Variants in PRMT8 observed in about 807,000 individuals in gnomAD.
PRMT8 encodes protein arginine N-methyltransferase 8.
Under a neutral mutation model 47.1 loss-of-function variants are expected in PRMT8, and 7 were observed. The ratio of observed to expected loss-of-function variants is 0.15; its 90% CI spans 0.08 to 0.28. The LOEUF is 0.28. Among genes scored for constraint, PRMT8 ranks in the 10% least tolerant of loss-of-function variants. The pLI is 1.00. For synonymous variants in PRMT8, 188 were observed against 186.5 expected, an observed-to-expected ratio of 1.01 and a Z score of -0.07; for missense variants, 237 against 505.4, an observed-to-expected ratio of 0.47 and a Z score of 5.09.
Position 3,431,299 on chromosome 12 carries a change from C to CAGAG in PRMT8, c.48+49871_48+49874dup, listed in dbSNP as rs34606620. 3.0e-3 allele frequency among the ~76,000 whole-genome samples: 453 copies of CAGAG among 150,640 alleles called. 6 individuals are homozygous for CAGAG. Among genetic ancestry groups the CAGAG allele is most frequent in the African/African-American group, 0.011 (434 of 41,160 alleles). On this transcript the variant is annotated intron_variant, in intron 1 of 9. Transcript: ENST00000452611. ...TGATCCAAAGCAGTGAGAGTGGGCA[C>CAGAG]AGAGAGAGAGAGAGAGATCAGTAGC... is the stretch of plus-strand genomic sequence containing the variant.
At chr12:3,556,674 A>T (rs34330476) in intron 4 of PRMT8, among the ~76,000 whole-genome samples, 35,277 of 149,252 alleles carry the variant, frequency 0.24, 4,823 homozygotes, top group African/African-American at 0.41. Context: ...AAGTTTTTTT[A>T]AAAAAAAAAT....
chr12:3,588,061 G>A (rs562121883), intron 8 of PRMT8, among the ~76,000 whole-genome samples: 13 of 152,322 alleles, frequency 8.5e-5, no homozygotes, highest in African/African-American at 3.1e-4. Context: ...GCAGGTGGAA[G>A]GGCAGGAGCC....
intron 1 of PRMT8, among the ~76,000 whole-genome samples, chr12:3,419,471 C>T (rs929495): frequency 0.95 from 144,130 of 152,246 alleles, 68,365 homozygotes; most frequent in Non-Finnish European, 0.98. Context: ...TCTACCTGGG[C>T]TGTCTCTCTT....
chr12:3,477,124 T>A (rs1326218945), intron 1 of PRMT8, among the ~76,000 whole-genome samples: 1 of 152,260 alleles, frequency 6.6e-6, no homozygotes. Flanking sequence ...ACTGACGCTC[T>A]TGAAACTGTG....
chr12:3,495,443 T>G (rs1057095100), intron 1 of PRMT8, among the ~76,000 whole-genome samples: 1 of 152,234 alleles, frequency 6.6e-6, no homozygotes, highest in Admixed American at 6.5e-5. Context: ...TGTGCCGGTC[T>G]TTCCTCCTTC....
chr12:3,534,489 G>A (rs189282695), intron 1 of PRMT8, among the ~76,000 whole-genome samples: 1 of 152,144 alleles, frequency 6.6e-6, no homozygotes, highest in Non-Finnish European at 1.5e-5. Context: ...TCTCTTGGAG[G>A]TTCCAGTTCC....
chr12:3,472,172 C>T (rs1042814491), intron 1 of PRMT8, among the ~76,000 whole-genome samples: 4 of 152,280 alleles, frequency 2.6e-5, no homozygotes, highest in South Asian at 2.1e-4. Flanking sequence ...AAAAGGTGAT[C>T]GGAAAGGTGT....
At chr12:3,509,132 T>C (rs1865673398) in intron 1 of PRMT8, among the ~76,000 whole-genome samples, 1 of 152,110 alleles carries the variant, frequency 6.6e-6, no homozygotes, top group Non-Finnish European at 1.5e-5. Context: ...TGATTATGCT[T>C]CTCCCTTCCT....
chr12:3,464,462 C>G (rs1048149601), intron 1 of PRMT8, among the ~76,000 whole-genome samples: 2 of 152,090 alleles, frequency 1.3e-5, no homozygotes, highest in East Asian at 1.9e-4. Context: ...AGACATTACT[C>G]GTTCTCTCCT....
At chr12:3,454,023 C>T (rs1196245740) in intron 1 of PRMT8, among the ~76,000 whole-genome samples, 1 of 152,174 alleles carries the variant, frequency 6.6e-6, no homozygotes, top group Admixed American at 6.5e-5. Flanking sequence ...AGGCCAGGCA[C>T]AGCAATGCGG....
At chr12:3,427,847 C>T (rs1335812697) in intron 1 of PRMT8, among the ~76,000 whole-genome samples, 4 of 151,500 alleles carry the variant, frequency 2.6e-5, no homozygotes, top group African/African-American at 4.8e-5. Context: ...TCCCTTTTTT[C>T]GAAGATAATC....
intron 1 of PRMT8, among the ~76,000 whole-genome samples, chr12:3,397,075 A>C (rs1302798104): frequency 1.3e-5 from 2 of 151,044 alleles, no homozygotes; most frequent in Non-Finnish European, 3.0e-5. Context: ...AGCTCCTTTA[A>C]GCACTTCTCT....
intron 1 of PRMT8, among the ~76,000 whole-genome samples, chr12:3,438,888 G>A (rs924165391): frequency 2.0e-5 from 3 of 152,156 alleles, no homozygotes; most frequent in Non-Finnish European, 1.5e-5. Context: ...AAAATTGATG[G>A]TCATTTCTTT....
chr12:3,573,574 G>T (rs1425599592), intron 6 of PRMT8, among the ~76,000 whole-genome samples: 1 of 152,182 alleles, frequency 6.6e-6, no homozygotes, highest in African/African-American at 2.4e-5. Flanking sequence ...TGAGTAAAAG[G>T]ACCAGTAGAG....
chr12:3,491,321 C>G lies in PRMT8; in HGVS notation c.-305C>G. 1 of 1,099,916 alleles carries G rather than the reference C, an allele frequency of 9.1e-7. No homozygotes were observed. Among genetic ancestry groups the G allele is most frequent in the Non-Finnish European group, 1.1e-6 (1 of 904,174 alleles). The allele number at this position is 1,099,916 out of a possible 1,614,324, so 68.1% of individuals were successfully genotyped here. On this transcript the variant is annotated 5_prime_UTR_variant, in exon 1 of 10. Transcript: ENST00000382622. ...GCCGCCGCCGCCGCCGCGGAGGCTT[C>G]GGGGCTGCTTCCCTCGAGCTTAGCC...
intron 1 of PRMT8, among the ~76,000 whole-genome samples, chr12:3,448,562 A>T (rs749694226): frequency 1.6e-4 from 24 of 152,176 alleles, no homozygotes; most frequent in Non-Finnish European, 2.8e-4. Flanking sequence ...GAAGTTCTCC[A>T]GTGCATTGTA....
rs375810038 is a variant in PRMT8, at chr12:3,577,002, C to T, written c.828+16C>T. On this transcript the variant is annotated intron_variant, in intron 7 of 9. Transcript: ENST00000382622. ...TTTGATAAAGGTCTGGACACTCATC[C>T]GGGGTGGACCTGGGTGTGCTGGGAG... 27 of 1,605,480 alleles carry T rather than the reference C, an allele frequency of 1.7e-5. No individual in the cohort carries two copies. The highest frequency in any genetic ancestry group is 2.1e-5 in the Non-Finnish European group (25 of 1,172,538).
At chr12:3,523,871 C>T (rs1298129537) in intron 1 of PRMT8, among the ~76,000 whole-genome samples, 1 of 152,246 alleles carries the variant, frequency 6.6e-6, no homozygotes, top group Non-Finnish European at 1.5e-5. Flanking sequence ...ACTCCTTCTG[C>T]CTCTCTATGC....
Position 3,552,765 on chromosome 12 carries a change from C to T in PRMT8, c.418-886C>T. 2.1e-6 allele frequency: 1 copy of T among 478,384 alleles called. No homozygotes were observed. The highest frequency in any genetic ancestry group is 1.5e-5 in the South Asian group (1 of 65,786). The allele number at this position is 478,384 out of a possible 1,614,324, so 29.6% of individuals were successfully genotyped here. A position where few individuals can be genotyped will look rare whatever the true frequency, so the allele number is the denominator to read the frequency against. On this transcript the variant is annotated intron_variant, in intron 3 of 9. Coordinates refer to ENST00000382622, the MANE Select transcript of PRMT8 (RefSeq NM_019854.5). This position sits in a 1 kb window ranked among gnomAD's most constrained non-coding sequence, Gnocchi z 4.5. ...CAGAAACTCCCTCAGTGCCCCTTTG[C>T]GAGTACTTCTCAAGGGAATGGTCCC... is the stretch of plus-strand genomic sequence containing the variant.
Sources: gnomAD v4.1 joint callset for allele counts (sites outside exome capture counted in the v4.1 genomes callset) on GRCh38, gnomAD v4.1.1 for gene constraint, Gnocchi (gnomAD v3.1) non-coding constraint, MANE v1.5 for transcripts, NCBI Gene and HGNC (gene_info 2026-07-23, HGNC 2026-07-21) for gene names.